The following ZC3H13 variants were observed in gnomAD, a reference collection of about 807,000 sequenced individuals.
The protein encoded by ZC3H13 is zinc finger CCCH domain-containing protein 13.
Under a neutral mutation model 204.1 loss-of-function variants are expected in ZC3H13, and 64 were observed. The observed-to-expected ratio is 0.31, with a 90% confidence interval of 0.26 to 0.39. The LOEUF (loss-of-function observed/expected upper bound fraction) is 0.39, where lower values mean the gene tolerates loss of function less well. Among genes scored for constraint, ZC3H13 ranks in the 10% least tolerant of loss-of-function variants. The pLI, the probability that ZC3H13 is intolerant of heterozygous loss-of-function variation, is 1.00. For missense variants in ZC3H13, 1,833 were observed against 2,082.7 expected, an observed-to-expected ratio of 0.88 and a Z score of 2.33; for synonymous variants, 667 against 693.7, an observed-to-expected ratio of 0.96 and a Z score of 0.60.
At chr13:45,988,699 C>T in intron 9 of ZC3H13, 88 bp downstream of exon 9, 1 of 1,436,510 alleles carries the variant, frequency 7.0e-7, no homozygotes, top group Non-Finnish European at 9.4e-7. Context: ...GAAGACTTAA[C>T]ATAGCAAAGT....
chr13:45,957,839 G>C (rs948868913), intron 18 of ZC3H13, among the ~76,000 whole-genome samples: 3 of 152,132 alleles, frequency 2.0e-5, no homozygotes, highest in African/African-American at 4.8e-5. Context: ...CTCGAAAACT[G>C]AATAAATCCT....
chr13:45,964,114 A>G lies in ZC3H13; in HGVS notation c.4475-72T>C, dbSNP rs1402947022. 4 of 1,390,256 alleles carry G rather than the reference A, an allele frequency of 2.9e-6. No individual in the cohort carries two copies. The East Asian group carries it at 9.3e-5, about 32-fold the overall frequency. 86.1% of individuals were successfully genotyped at this position (1,390,256 alleles called of 1,614,324 possible). A position where few individuals can be genotyped will look rare whatever the true frequency, so the allele number is the denominator to read the frequency against. ...AGTCTTGTTATCTACATAGACATTTACATAAATCAAGGAGAAAACAGAAAA... is the reference window on the plus strand; with the variant it reads ...AGTCTTGTTATCTACATAGACATTTGCATAAATCAAGGAGAAAACAGAAAA... On this transcript the variant is annotated intron_variant, in intron 16 of 18. Transcript: ENST00000679008.
At chr13:46,007,800 T>C (rs556668506) in intron 7 of ZC3H13, among the ~76,000 whole-genome samples, 5 of 152,352 alleles carry the variant, frequency 3.3e-5, no homozygotes, top group African/African-American at 7.2e-5. Flanking sequence ...TTTACTTTTA[T>C]CAGTTTTTAA....
intron 4 of ZC3H13, among the ~76,000 whole-genome samples, chr13:46,024,814 T>C (rs1176082157): frequency 6.6e-6 from 1 of 152,182 alleles, no homozygotes; most frequent in Admixed American, 6.5e-5. Flanking sequence ...TTGTCAATAC[T>C]TTCCATAACT....
Position 45,988,855 on chromosome 13 carries a change from C to T in ZC3H13, c.1187G>A (p.Arg396Gln), listed in dbSNP as rs1175668358. Residue 396 changes from arginine to glutamine, a missense_variant, in exon 9 of 19, where the codon CGA becomes CAA. Around this residue, in one of 5 missense-constraint regions of ZC3H13, gnomAD observed 1,574 missense variants for 1,757.2 expected, o/e 0.90. Coordinates refer to ENST00000679008, the MANE Select transcript of ZC3H13 (RefSeq NM_001330564.2). ...QSPPRHRSPM[R>Q]EKGRHDHERT... ...TTCATGATCATGTCTCCCTTTCTCT[C>T]GCATTGGAGAGCGATGTCTTGGAGG... The T allele has an allele frequency of 7.4e-6, 12 of 1,614,160 alleles. No homozygotes were observed. The highest frequency in any genetic ancestry group is 4.5e-5 in the East Asian group (2 of 44,876).
chr13:46,020,390 A>T, intron 5 of ZC3H13, 59 bp downstream of exon 5: 1 of 1,339,128 alleles, frequency 7.5e-7, no homozygotes, highest in South Asian at 1.2e-5. Context: ...AAGCCCACGA[A>T]AACTCTAGAA....
At chr13:46,035,739 C>T (rs541701395) in intron 4 of ZC3H13, among the ~76,000 whole-genome samples, 5 of 152,274 alleles carry the variant, frequency 3.3e-5, no homozygotes, top group South Asian at 4.1e-4. Flanking sequence ...GAATTTTATA[C>T]GTACTTCTTC....
chr13:45,967,378 T>C, intron 15 of ZC3H13, 126 bp downstream of exon 15: 5 of 1,083,046 alleles, frequency 4.6e-6, no homozygotes, highest in South Asian at 2.0e-5. Context: ...CTACTTCCTC[T>C]ATAGAAGAAT....
chr13:45,964,777 A>T (rs1951953685), intron 16 of ZC3H13, among the ~76,000 whole-genome samples: 1 of 152,210 alleles, frequency 6.6e-6, no homozygotes, highest in African/African-American at 2.4e-5. Flanking sequence ...TTCATGGTAT[A>T]ATCACTGGAA....
chr13:45,994,100 G>A (rs187885625), intron 8 of ZC3H13, among the ~76,000 whole-genome samples: 188 of 152,298 alleles, frequency 1.2e-3, no homozygotes, highest in African/African-American at 4.4e-3. Flanking sequence ...CCTCCTCAAA[G>A]GGACAACCTT....
intron 5 of ZC3H13, among the ~76,000 whole-genome samples, chr13:46,018,998 G>C (rs957315661): frequency 9.2e-5 from 14 of 152,022 alleles, no homozygotes; most frequent in African/African-American, 3.4e-4. Flanking sequence ...GGAGAGTATA[G>C]CTGCCTTTAT....
intron 11 of ZC3H13, among the ~76,000 whole-genome samples, chr13:45,978,752 A>T (rs920019172): frequency 5.9e-5 from 9 of 151,820 alleles, no homozygotes; most frequent in Non-Finnish European, 8.8e-5. Context: ...AAAGAAATTT[A>T]AAAAAAAGCA....
In ZC3H13 at chr13:45,993,238, T is replaced by C. The variant is rs557936137; in HGVS notation, c.945-4141A>G. Among the ~76,000 whole-genome samples the C allele has an allele frequency of 4.6e-5, 7 of 152,348 alleles. No individual in the cohort carries two copies. The South Asian group carries it at 1.4e-3, about 32-fold the overall frequency. On this transcript the variant is annotated intron_variant, in intron 8 of 18. Transcript: ENST00000679008. The stretch of plus-strand genomic sequence containing the variant: ...AAAAACACAAAAAGTATGTGCTTTT[T>C]ACTTTTGGAGTTTAAAAACAATCTA...
rs772254504 is a variant in ZC3H13 at position 45,967,890 on chromosome 13, T to G, written c.3935A>C (p.Glu1312Ala). The change falls in exon 15 of 19, where the codon GAG becomes GCG. Residue 1312 changes from glutamate (E) to alanine (A), a missense_variant. Transcript: ENST00000679008. Reference protein sequence around the residue: ...RDRYEHDRERERERRDTRQRE... With the variant: ...RDRYEHDRERARERRDTRQRE... ...CTGCCTCGTATCTCTCCTCTCTCTC[T>G]CGCGCTCTCTGTCGTGTTCATATCG... The G allele has an allele frequency of 1.6e-5, 26 of 1,613,972 alleles. No individual in the cohort carries two copies. The highest frequency in any genetic ancestry group is 4.5e-5 in the East Asian group (2 of 44,878).
chr13:45,984,050 G>A (rs1407548884), intron 10 of ZC3H13, among the ~76,000 whole-genome samples: 6 of 152,324 alleles, frequency 3.9e-5, no homozygotes, highest in Admixed American at 2.0e-4. Context: ...CAGTAATGCA[G>A]CACTTGCTGA....
chr13:46,044,964 T>C lies in ZC3H13; in HGVS notation c.218A>G (p.Asn73Ser), dbSNP rs1345896887. Residue 73 changes from asparagine (N) to serine (S), a missense_variant, in exon 3 of 19, where the codon AAT becomes AGT. Asn to Ser is a conservative substitution (Grantham distance 46). This residue lies in a region of ZC3H13 where 1,574 missense variants were observed against 1,757.2 expected (regional missense o/e 0.90). Coordinates refer to ENST00000679008, the MANE Select transcript of ZC3H13 (RefSeq NM_001330564.2). ...AAAGTTCTCAGTTTACCTTCTATAA[T>C]TGCTGCTATAACCTTTACCACGAGG... Reference protein sequence around the residue: ...PSPRGKGYSSNYRRSPERPTG... With the variant: ...PSPRGKGYSSSYRRSPERPTG... The C allele has an allele frequency of 6.2e-7, 1 of 1,609,332 alleles. No homozygotes were observed. Among genetic ancestry groups the C allele is most frequent in the East Asian group, 2.2e-5 (1 of 44,762 alleles).
At chr13:46,019,172 A>G (rs1040624997) in intron 5 of ZC3H13, among the ~76,000 whole-genome samples, 1 of 152,180 alleles carries the variant, frequency 6.6e-6, no homozygotes, top group African/African-American at 2.4e-5. Flanking sequence ...ATGTATTTAC[A>G]ATACTTTACA....
At chr13:46,028,054 A>C (rs1260544521) in intron 4 of ZC3H13, among the ~76,000 whole-genome samples, 2 of 152,198 alleles carry the variant, frequency 1.3e-5, no homozygotes, top group Non-Finnish European at 2.9e-5. Flanking sequence ...GGATGGAAAA[A>C]CAAGACCCAA....
rs186640330 is a variant in ZC3H13 at position 45,978,855 on chromosome 13, A to G, written c.1912+958T>C. On this transcript the variant is annotated intron_variant, in intron 11 of 18. Coordinates refer to ENST00000679008, the MANE Select transcript of ZC3H13 (RefSeq NM_001330564.2). ...CCCTATCTGTAACTAAGGAAATTCT[A>G]CACATCTTTTAACCAAAATGCATTA... Among the ~76,000 whole-genome samples the G allele has an allele frequency of 2.1e-3, 316 of 152,184 alleles. 1 individual carries two copies. Among genetic ancestry groups the G allele is most frequent in the African/African-American group, 7.2e-3 (300 of 41,558 alleles).
Sources: allele counts gnomAD v4.1 joint callset (sites outside exome capture counted in the v4.1 genomes callset), GRCh38; gene constraint gnomAD v4.1.1; regional missense constraint gnomAD v4.1.1; transcripts MANE v1.5; gene names NCBI Gene and HGNC (gene_info 2026-07-23, HGNC 2026-07-21).